APBB1IP: variants seen among roughly 807,000 people sequenced by gnomAD.
APBB1IP encodes the protein amyloid beta A4 precursor protein-binding family B member 1-interacting protein.
In APBB1IP, 27 loss-of-function variants were observed where a neutral mutation model predicts 64.9. The ratio of observed to expected loss-of-function variants is 0.42; its 90% CI spans 0.31 to 0.57. APBB1IP has a LOEUF of 0.57. APBB1IP is among the 20% of genes least tolerant of loss of function. The probability of loss-of-function intolerance (pLI) is 0.20; values close to 1 mark genes in which losing one functional copy is unlikely to be tolerated. For missense variants in APBB1IP, 812 were observed against 845.5 expected (o/e 0.96, Z 0.49); for synonymous variants, 392 against 331.0 (o/e 1.18, Z -2.00).
At chr10:26,532,710 A>C (rs1008632133) in intron 8 of APBB1IP, among the ~76,000 whole-genome samples, 3 of 152,054 alleles carry the variant, frequency 2.0e-5, no homozygotes, top group African/African-American at 7.2e-5. Context: ...GGCTGGTCTC[A>C]GACTCCAGGG....
intron 3 of APBB1IP, among the ~76,000 whole-genome samples, chr10:26,494,549 C>A (rs558908129): frequency 6.6e-5 from 10 of 152,084 alleles, no homozygotes; most frequent in African/African-American, 2.4e-4. Flanking sequence ...AATTCTAGAC[C>A]GGGCACAGTG....
chr10:26,558,553 G>A (rs1297794785), intron 11 of APBB1IP, among the ~76,000 whole-genome samples: 2 of 151,896 alleles, frequency 1.3e-5, no homozygotes, highest in South Asian at 4.2e-4. Flanking sequence ...GGCTAAGGTG[G>A]GAGGATCACT....
rs188759767 is a variant in APBB1IP at position 26,551,633 on chromosome 10, T to A, written c.1156-8472T>A. The stretch of plus-strand genomic sequence containing the variant: ...AGGCCCGTTAGGAAGTAGTGGAATG[T>A]CATGGAAGGAGCGCTGGAATTCCGC... On this transcript the variant is annotated intron_variant, in intron 11 of 14. Coordinates refer to ENST00000376236, the MANE Select transcript of APBB1IP (RefSeq NM_019043.4). 1.2e-3 allele frequency among the ~76,000 whole-genome samples: 176 copies of A among 152,326 alleles called. 1 individual carries two copies. The highest frequency in any genetic ancestry group is 6.8e-3 in the Middle Eastern group (2 of 294).
intron 2 of APBB1IP, among the ~76,000 whole-genome samples, chr10:26,459,513 A>T (rs1377492315): frequency 1.3e-5 from 2 of 152,192 alleles, no homozygotes; most frequent in African/African-American, 4.8e-5. Context: ...GAATCACCAC[A>T]CTATCTTCCA....
intron 11 of APBB1IP, among the ~76,000 whole-genome samples, chr10:26,553,748 T>C (rs1406501372): frequency 6.6e-6 from 1 of 152,038 alleles, no homozygotes; most frequent in Non-Finnish European, 1.5e-5. Context: ...CTTTGTGGAG[T>C]TTGCATGCTA....
At chr10:26,550,950 G>T (rs1836823143) in intron 11 of APBB1IP, among the ~76,000 whole-genome samples, 1 of 152,182 alleles carries the variant, frequency 6.6e-6, no homozygotes, top group Non-Finnish European at 1.5e-5. Context: ...CTAAGTCCAG[G>T]TTAGACCCGA....
At chr10:26,448,720 T>C (rs1004105040) in intron 2 of APBB1IP, among the ~76,000 whole-genome samples, 6 of 152,146 alleles carry the variant, frequency 3.9e-5, no homozygotes, top group Non-Finnish European at 7.3e-5. Context: ...CCTCAGATAG[T>C]CATTTGCTTG....
chr10:26,537,082 A>G (rs1296155802), intron 10 of APBB1IP, among the ~76,000 whole-genome samples: 2 of 152,104 alleles, frequency 1.3e-5, no homozygotes, highest in Non-Finnish European at 2.9e-5. Context: ...TATGTAATAA[A>G]TTATTCCTTG....
rs533011703 is a variant in APBB1IP, at chr10:26,481,498, T to C, written c.1-10829T>C. On this transcript the variant is annotated intron_variant, in intron 2 of 14. Coordinates refer to ENST00000376236, the MANE Select transcript of APBB1IP (RefSeq NM_019043.4). ...TGTTATTTTTGTTTTTATTTTTTAA[T>C]TTTAGAGACAGGGTCACACTTTGTC... 1.1e-4 allele frequency among the ~76,000 whole-genome samples: 16 copies of C among 152,312 alleles called. No homozygotes were observed. The Middle Eastern group carries it at 0.014, about 130-fold the overall frequency.
chr10:26,496,254 A>C (rs1455542748), intron 3 of APBB1IP, 50 bp from the exon 4 acceptor site: 1 of 1,396,482 alleles, frequency 7.2e-7, no homozygotes, highest in Non-Finnish European at 1.0e-6. Context: ...AGTGTGCTAC[A>C]GAAATGTTTG....
intron 11 of APBB1IP, among the ~76,000 whole-genome samples, chr10:26,559,890 C>T (rs978540550): frequency 1.3e-5 from 2 of 151,996 alleles, no homozygotes; most frequent in Non-Finnish European, 2.9e-5. Context: ...GTGATCTGCT[C>T]GCCTCGGCCT....
At position 26,557,918 on chromosome 10, in the gene APBB1IP, C is replaced by T. The variant is rs534572152; in HGVS notation, c.1156-2187C>T. ...GAGGTCAGTGATTTAAGATGGAAAGCGAAAGAGAAGTGGAGAGGTCCATGC... is the reference window on the plus strand; with the variant it reads ...GAGGTCAGTGATTTAAGATGGAAAGTGAAAGAGAAGTGGAGAGGTCCATGC... On this transcript the variant is annotated intron_variant, in intron 11 of 14. Transcript: ENST00000376236. Among the ~76,000 whole-genome samples, 14 of 152,178 alleles carry T rather than the reference C, an allele frequency of 9.2e-5. No individual in the cohort carries two copies. The East Asian group carries it at 2.1e-3, about 23-fold the overall frequency.
chr10:26,453,632 G>A (rs1159414552), intron 2 of APBB1IP, among the ~76,000 whole-genome samples: 2 of 152,128 alleles, frequency 1.3e-5, no homozygotes, highest in Non-Finnish European at 2.9e-5. Context: ...GAGACCACTA[G>A]TGTTCCTCTG....
intron 10 of APBB1IP, 51 bp downstream of exon 10, chr10:26,536,268 T>A: frequency 6.6e-7 from 1 of 1,525,078 alleles, no homozygotes; most frequent in African/African-American, 1.4e-5. Flanking sequence ...TTCATGAGAA[T>A]GAAACTAAAG....
At chr10:26,479,891 G>A (rs1232271553) in intron 2 of APBB1IP, among the ~76,000 whole-genome samples, 1 of 152,200 alleles carries the variant, frequency 6.6e-6, no homozygotes, top group Admixed American at 6.5e-5. Context: ...CTTCCTCTGT[G>A]GTTTCTAGCT....
intron 2 of APBB1IP, among the ~76,000 whole-genome samples, chr10:26,476,961 T>G (rs1304279274): frequency 6.6e-6 from 1 of 152,034 alleles, no homozygotes; most frequent in Non-Finnish European, 1.5e-5. Context: ...CCACCATGCC[T>G]GGCTAATTTT....
intron 2 of APBB1IP, among the ~76,000 whole-genome samples, chr10:26,461,003 A>C (rs1835582863): frequency 6.6e-6 from 1 of 152,106 alleles, no homozygotes; most frequent in African/African-American, 2.4e-5. Flanking sequence ...TTGACTAATC[A>C]CAGGTAGAAT....
At chr10:26,515,546 C>G (rs1248324935) in intron 8 of APBB1IP, among the ~76,000 whole-genome samples, 1 of 152,158 alleles carries the variant, frequency 6.6e-6, no homozygotes. Context: ...ATATGCACAG[C>G]TAAAACTAGG....
At chr10:26,493,012 C>T (rs994262452) in intron 3 of APBB1IP, among the ~76,000 whole-genome samples, 2 of 152,282 alleles carry the variant, frequency 1.3e-5, no homozygotes, top group South Asian at 4.2e-4. Flanking sequence ...ACCCCCAGAG[C>T]GGCCATTTTA....
Sources: gnomAD v4.1 joint callset for allele counts (sites outside exome capture counted in the v4.1 genomes callset) on GRCh38, gnomAD v4.1.1 for gene constraint, MANE v1.5 for transcripts, NCBI Gene and HGNC (gene_info 2026-07-23, HGNC 2026-07-21) for gene names.